The following PCDHA3 variants were observed in gnomAD, a reference collection of about 807,000 sequenced individuals.
The protein encoded by PCDHA3 is protocadherin alpha-3.
Under a neutral mutation model 62.2 loss-of-function variants are expected in PCDHA3, and 41 were observed. The observed-to-expected ratio is 0.66, with a 90% CI of 0.51 to 0.86. The LOEUF (loss-of-function observed/expected upper bound fraction) is 0.86, where lower values mean the gene tolerates loss of function less well. PCDHA3 is among the 40% of genes least tolerant of loss of function. The pLI is 0.00. For synonymous variants in PCDHA3, 640 were observed against 555.4 expected, an observed-to-expected ratio of 1.15 and a Z score of -2.14; for missense variants, 1,304 against 1,241.2, an observed-to-expected ratio of 1.05 and a Z score of -0.76.
At chr5:140,815,072 A>G (rs1396977561) in intron 1 of PCDHA3, 2 of 152,148 alleles carry the variant, frequency 1.3e-5, no homozygotes, top group Non-Finnish European at 2.9e-5. Context: ...CAGGCTATCC[A>G]GGTCTTTAAA....
intron 1 of PCDHA3, among the ~76,000 whole-genome samples, chr5:140,878,400 A>G (rs1190004888): frequency 6.6e-6 from 1 of 152,218 alleles, no homozygotes; most frequent in Non-Finnish European, 1.5e-5. Flanking sequence ...TGCTCACAAA[A>G]TATCTTCTTT....
chr5:140,821,559 G>A (rs1767000496), intron 1 of PCDHA3: 2 of 518,472 alleles, frequency 3.9e-6, no homozygotes, highest in Admixed American at 3.7e-5. Context: ...ACATGATGTC[G>A]CTGGACACCG....
At chr5:140,954,287 TG>T (rs1353316805) in intron 1 of PCDHA3, among the ~76,000 whole-genome samples, 1 of 152,248 alleles carries the variant, frequency 6.6e-6, no homozygotes, top group Non-Finnish European at 1.5e-5. Flanking sequence ...TATATTCCTT[TG>T]GGTACATACC....
intron 1 of PCDHA3, chr5:140,876,139 A>G (rs1554168285): frequency 6.2e-7 from 1 of 1,613,960 alleles, no homozygotes; most frequent in South Asian, 1.1e-5. Context: ...ACCAGAACTA[A>G]CAGGGTCTGT....
At chr5:140,871,250 T>G (rs1412384009) in intron 1 of PCDHA3, 3 of 1,613,976 alleles carry the variant, frequency 1.9e-6, no homozygotes, top group Non-Finnish European at 2.5e-6. Context: ...ACGCTGCTGC[T>G]GTATACGGCG....
chr5:140,965,821 C>T (rs782710036), intron 1 of PCDHA3, among the ~76,000 whole-genome samples: 9 of 152,150 alleles, frequency 5.9e-5, no homozygotes, highest in Non-Finnish European at 1.0e-4. Flanking sequence ...GCATTTTAAA[C>T]ATTTAAATAT....
At chr5:140,882,424 G>C in intron 1 of PCDHA3, 1 of 1,614,114 alleles carries the variant, frequency 6.2e-7, no homozygotes, top group Non-Finnish European at 8.5e-7. Context: ...CTCAGGACCT[G>C]GGGCTGGAGC....
rs373157192 is a variant in PCDHA3, at chr5:140,869,487, C to G, written c.2394+65896C>G. On this transcript the variant is annotated intron_variant, in intron 1 of 3. Transcript: ENST00000522353. ...ACGTGGAGGTGAAGGACATTAACGA[C>G]AACCCGCCGGTGTTCTCGCTCAGAG... The G allele has an allele frequency of 3.1e-6, 5 of 1,614,180 alleles. No homozygotes were observed. The South Asian group carries it at 5.5e-5, about 18-fold the overall frequency.
At chr5:140,849,775 C>T (rs369759015) in intron 1 of PCDHA3, 5 of 1,598,318 alleles carry the variant, frequency 3.1e-6, no homozygotes, top group African/African-American at 1.3e-5. Context: ...GTGGTTACCG[C>T]GCGGGACGGG....
At chr5:140,846,974 T>G (rs1257358967) in intron 1 of PCDHA3, among the ~76,000 whole-genome samples, 1 of 149,546 alleles carries the variant, frequency 6.7e-6, no homozygotes, top group Non-Finnish European at 1.5e-5. Context: ...GGTTTTAAAA[T>G]AAGTAAGTTC....
intron 3 of PCDHA3, among the ~76,000 whole-genome samples, chr5:141,002,815 T>G (rs1554258803): frequency 6.6e-6 from 1 of 152,176 alleles, no homozygotes; most frequent in African/African-American, 2.4e-5. Flanking sequence ...GGCTCAGAGA[T>G]ATTTATGTAA....
chr5:141,005,499 C>T (rs1399657712), intron 3 of PCDHA3, among the ~76,000 whole-genome samples: 1 of 151,380 alleles, frequency 6.6e-6, no homozygotes, highest in Non-Finnish European at 1.5e-5. Context: ...GTCAGGAGAT[C>T]GAGACCATCC....
chr5:140,931,585 A>G (rs1170746678), intron 1 of PCDHA3, among the ~76,000 whole-genome samples: 2 of 152,056 alleles, frequency 1.3e-5, no homozygotes, highest in Non-Finnish European at 2.9e-5. Context: ...ATTCAGTTGA[A>G]CAGTCTTTTT....
intron 1 of PCDHA3, among the ~76,000 whole-genome samples, chr5:140,918,454 C>A (rs1168986520): frequency 6.6e-6 from 1 of 152,158 alleles, no homozygotes; most frequent in Non-Finnish European, 1.5e-5. Context: ...CAGTGGGCAT[C>A]CTTGTCTTAT....
At chr5:140,946,151 C>T (rs943826321) in intron 1 of PCDHA3, among the ~76,000 whole-genome samples, 6 of 151,694 alleles carry the variant, frequency 4.0e-5, no homozygotes, top group East Asian at 1.9e-4. Context: ...ACAAATAACA[C>T]GATTTAAAAG....
chr5:140,853,989 C>T (rs2042932367), intron 1 of PCDHA3: 1 of 494,686 alleles, frequency 2.0e-6, no homozygotes, highest in Non-Finnish European at 2.7e-6. Context: ...TGTAGTGAGA[C>T]TCATCTCTGC....
intron 1 of PCDHA3, among the ~76,000 whole-genome samples, chr5:140,880,789 A>G (rs917582554): frequency 1.3e-5 from 2 of 152,230 alleles, no homozygotes; most frequent in African/African-American, 4.8e-5. Flanking sequence ...TAGAGGAGTA[A>G]TATAAATAGG....
chr5:140,849,017 C>G, intron 1 of PCDHA3: 1 of 1,588,278 alleles, frequency 6.3e-7, no homozygotes, highest in Non-Finnish European at 8.6e-7. Context: ...GACTGAGCCC[C>G]AATGAGTATT....
intron 1 of PCDHA3, among the ~76,000 whole-genome samples, chr5:140,946,042 C>T (rs967126849): frequency 4.6e-4 from 70 of 152,118 alleles, no homozygotes; most frequent in African/African-American, 1.6e-3. Flanking sequence ...AGTGAAGGGA[C>T]AATCCACAGA....
Sources: gnomAD v4.1 joint callset for allele counts (sites outside exome capture counted in the v4.1 genomes callset) on GRCh38, gnomAD v4.1.1 for gene constraint, MANE v1.5 for transcripts, NCBI Gene and HGNC (gene_info 2026-07-23, HGNC 2026-07-21) for gene names.